Variants in SCN1A observed in about 807,000 individuals in gnomAD.
The protein encoded by SCN1A is sodium voltage-gated channel alpha subunit 1.
Under a neutral mutation model 193.7 loss-of-function variants are expected in SCN1A, and 13 were observed. That is an observed-to-expected ratio of 0.07 (90% confidence interval 0.04 to 0.11). The LOEUF (loss-of-function observed/expected upper bound fraction) is 0.11, where lower values mean the gene tolerates loss of function less well. Among genes scored for constraint, SCN1A ranks in the 10% least tolerant of loss-of-function variants. SCN1A has a pLI of 1.00. For synonymous variants in SCN1A, 781 were observed against 843.6 expected, an observed-to-expected ratio of 0.93 and a Z score of 1.29; for missense variants, 1,432 against 2,451.1, an observed-to-expected ratio of 0.58 and a Z score of 8.78.
intron 3 of SCN1A, chr2:166,075,275 C>T (rs148634189): frequency 6.6e-6 from 1 of 151,698 alleles, no homozygotes; most frequent in Admixed American, 6.6e-5. Flanking sequence ...TCCTTTTTAC[C>T]TTGTTTCCCC....
At chr2:166,107,489 A>G (rs1160441814) in intron 2 of SCN1A, among the ~76,000 whole-genome samples, 1 of 152,212 alleles carries the variant, frequency 6.6e-6, no homozygotes, top group Non-Finnish European at 1.5e-5. Flanking sequence ...GTTAAAATAC[A>G]GAATATGTTA....
At chr2:166,109,185 T>A (rs1396503222) in intron 2 of SCN1A, among the ~76,000 whole-genome samples, 1 of 152,178 alleles carries the variant, frequency 6.6e-6, no homozygotes, top group Admixed American at 6.6e-5. Context: ...CTTGGTGTTA[T>A]GTTGGGCGTT....
At position 165,997,910 on chromosome 2, in the gene SCN1A, G is replaced by A. The variant is rs955336178; in HGVS notation, c.4476+128C>T. On this transcript the variant is annotated intron_variant, in intron 26 of 28. Transcript: ENST00000674923. ...ATGGATAGTGAATGACAGAGGAAGA[G>A]GAAGGAAAAATCAGTTATAATATAT... 31 of 695,928 alleles carry A rather than the reference G, an allele frequency of 4.5e-5. No homozygotes were observed. In the East Asian group the frequency reaches 6.6e-4, roughly 15 times the overall value. The allele number at this position is 695,928 out of a possible 1,614,324, so 43.1% of individuals were successfully genotyped here.
chr2:165,993,210 T>TGTGTGTGTGTGTGAGA (rs1344882182), intron 28 of SCN1A: 2 of 122,764 alleles, frequency 1.6e-5, no homozygotes, highest in Non-Finnish European at 3.5e-5. Context: ...TGTGTGTGTG[T>TGTGTGTGTGTGTGAGA]GAGAGAGAGA....
chr2:166,106,644 C>A (rs969236280), intron 2 of SCN1A, among the ~76,000 whole-genome samples: 2 of 152,102 alleles, frequency 1.3e-5, no homozygotes, highest in Non-Finnish European at 2.9e-5. Context: ...GGTCACTAGG[C>A]CCTTATATAG....
chr2:166,027,180 C>G (rs930317397), intron 19 of SCN1A: 1 of 152,278 alleles, frequency 6.6e-6, no homozygotes, highest in South Asian at 2.1e-4. Context: ...ATCCACTTTG[C>G]CTTGTACACC....
intron 2 of SCN1A, among the ~76,000 whole-genome samples, chr2:166,108,913 C>T (rs1377739499): frequency 6.6e-6 from 1 of 152,092 alleles, no homozygotes; most frequent in Non-Finnish European, 1.5e-5. Flanking sequence ...TACAAAAAAG[C>T]ACTGAACTAA....
At chr2:166,143,941 A>G (rs1692199503) in intron 1 of SCN1A, among the ~76,000 whole-genome samples, 1 of 152,210 alleles carries the variant, frequency 6.6e-6, no homozygotes, top group Admixed American at 6.5e-5. Flanking sequence ...TAAAGGAGGA[A>G]TTTATATTTG....
In SCN1A at chr2:166,096,375, C is replaced by G. The variant is rs376386072; in HGVS notation, c.-141-18574G>C. 1.1e-4 allele frequency among the ~76,000 whole-genome samples: 17 copies of G among 152,248 alleles called. No individual in the cohort carries two copies. The East Asian group carries it at 2.7e-3, about 24-fold the overall frequency. On this transcript the variant is annotated intron_variant, in intron 2 of 28. Transcript: ENST00000674923. ...TCGGCTCACTGCAAGCTCCGCCTCC[C>G]TGGTTCAAACAATTCTCTGCTTCAG... is the stretch of plus-strand genomic sequence containing the variant.
At chr2:166,031,451 T>G (rs1695545686) in intron 19 of SCN1A, among the ~76,000 whole-genome samples, 1 of 152,170 alleles carries the variant, frequency 6.6e-6, no homozygotes, top group East Asian at 1.9e-4. Context: ...ATGTTTGTAT[T>G]TCCTGATTGG....
intron 19 of SCN1A, among the ~76,000 whole-genome samples, chr2:166,020,619 T>C (rs1038434520): frequency 3.3e-5 from 5 of 152,220 alleles, no homozygotes; most frequent in African/African-American, 1.2e-4. Context: ...ATTTAAAAAG[T>C]GTTGTTGTAT....
At position 166,022,979 on chromosome 2, in the gene SCN1A, A is replaced by G. The variant is rs201922144; in HGVS notation, c.3430-7252T>C. Reference sequence around the variant, plus strand: ...GATTGGTAAAGTAGACCTGGATAGTATAATTGATTTGGCAAAAAGCACACA... The same window carrying G: ...GATTGGTAAAGTAGACCTGGATAGTGTAATTGATTTGGCAAAAAGCACACA... On this transcript the variant is annotated intron_variant, in intron 19 of 28. Transcript: ENST00000674923. 5.9e-5 allele frequency among the ~76,000 whole-genome samples: 9 copies of G among 152,320 alleles called. No individual in the cohort carries two copies. In the East Asian group the frequency reaches 1.7e-3, roughly 29 times the overall value.
In SCN1A at chr2:166,045,255, A is replaced by C; in HGVS notation, c.1450T>G (p.Ser484Ala). 6.2e-7 allele frequency: 1 copy of C among 1,614,062 alleles called. No individual in the cohort carries two copies. Among genetic ancestry groups the C allele is most frequent in the Non-Finnish European group, 8.5e-7 (1 of 1,180,002 alleles). ...SAAGRLSDSS[S>A]EASKLSSKSA... ...TTGGAACTCAACTTAGAGGCTTCAG[A>C]TGAGCTGTCTGAGAGCCTGCCTGCT... The change falls in exon 13 of 29, where the codon TCT (serine) becomes GCT (alanine). Residue 484 changes from serine (S) to alanine (A), a missense_variant. Coordinates refer to ENST00000674923, the MANE Select transcript of SCN1A (RefSeq NM_001165963.4).
intron 3 of SCN1A, among the ~76,000 whole-genome samples, chr2:166,075,566 C>T (rs1482323405): frequency 6.6e-6 from 1 of 151,944 alleles, no homozygotes; most frequent in Non-Finnish European, 1.5e-5. Flanking sequence ...ATTTATTTAA[C>T]CAATTCCCTG....
At chr2:166,062,136 A>G (rs1683375541) in intron 4 of SCN1A, among the ~76,000 whole-genome samples, 1 of 152,104 alleles carries the variant, frequency 6.6e-6, no homozygotes, top group Non-Finnish European at 1.5e-5. Context: ...GCCAACATTA[A>G]AGGACCATTT....
At chr2:166,106,774 T>C (rs943699754) in intron 2 of SCN1A, among the ~76,000 whole-genome samples, 2 of 152,166 alleles carry the variant, frequency 1.3e-5, no homozygotes, top group African/African-American at 4.8e-5. Context: ...ACATTGCTAA[T>C]GATCGAAGTA....
intron 24 of SCN1A, 27 bp from the exon 25 acceptor site, chr2:165,999,803 C>T (rs754738491): frequency 6.6e-7 from 1 of 1,521,446 alleles, no homozygotes; most frequent in East Asian, 2.3e-5. Context: ...GCATGTTTTA[C>T]TTTGGAGTAA....
intron 2 of SCN1A, among the ~76,000 whole-genome samples, chr2:166,083,363 T>TA (rs2106031076): frequency 6.6e-6 from 1 of 152,198 alleles, no homozygotes; most frequent in African/African-American, 2.4e-5. Context: ...GCAGTTAAAA[T>TA]AAGGTCAGAT....
At position 165,994,377 on chromosome 2, in the gene SCN1A, G is replaced by C. The variant is rs1221085019; in HGVS notation, c.4621C>G (p.Gln1541Glu). 6.2e-7 allele frequency: 1 copy of C among 1,612,744 alleles called. No individual in the cohort carries two copies. Among genetic ancestry groups the C allele is most frequent in the Non-Finnish European group, 8.5e-7 (1 of 1,179,296 alleles). The change falls in exon 28 of 29, where the codon CAA becomes GAA. Residue 1541 changes from glutamine to glutamate, a missense_variant. Physicochemically the swap from Gln to Glu is conservative, Grantham distance 29. Around this residue, in one of 18 missense-constraint regions of SCN1A, gnomAD observed 85 missense variants for 119.1 expected, o/e 0.71. Coordinates refer to ENST00000674923, the MANE Select transcript of SCN1A (RefSeq NM_001165963.4). ...ATCATGATGCTTATGTCAAAAACTTGTCTGGTTACGAAGTCAAAGACCATT... is the reference window on the plus strand; with the variant it reads ...ATCATGATGCTTATGTCAAAAACTTCTCTGGTTACGAAGTCAAAGACCATT... ...QGMVFDFVTR[Q>E]VFDISIMILI...
Sources: allele counts gnomAD v4.1 joint callset (sites outside exome capture counted in the v4.1 genomes callset), GRCh38; gene constraint gnomAD v4.1.1; regional missense constraint gnomAD v4.1.1; transcripts MANE v1.5; gene names NCBI Gene and HGNC (gene_info 2026-07-23, HGNC 2026-07-21).